Variants in PLEKHM1 observed in about 807,000 individuals in gnomAD.
The protein encoded by PLEKHM1 is pleckstrin homology domain-containing family M member 1.
In PLEKHM1, 28 loss-of-function variants were observed where a neutral mutation model predicts 94.3. The ratio of observed to expected loss-of-function variants is 0.30; its 90% CI spans 0.22 to 0.41. The LOEUF (loss-of-function observed/expected upper bound fraction) is 0.41. Among genes scored for constraint, PLEKHM1 ranks in the 10% least tolerant of loss-of-function variants. PLEKHM1 has a pLI of 1.00. For missense variants in PLEKHM1, 907 were observed against 1,358.6 expected (o/e 0.67, Z 5.22); for synonymous variants, 424 against 581.2 (o/e 0.73, Z 3.89).
At chr17:45,473,317 A>G (rs2051577155) in intron 4 of PLEKHM1, among the ~76,000 whole-genome samples, 1 of 152,184 alleles carries the variant, frequency 6.6e-6, no homozygotes, top group Non-Finnish European at 1.5e-5. Context: ...GGCTGGGCGC[A>G]GTGGCTCACG....
chr17:45,471,273 T>C (rs2051501661), intron 4 of PLEKHM1, among the ~76,000 whole-genome samples: 1 of 149,456 alleles, frequency 6.7e-6, no homozygotes, highest in Admixed American at 6.7e-5. Context: ...GGGTTGATTG[T>C]AATAAAAAAG....
chr17:45,479,688 A>AAAAACAAAACAAAAC (rs56104486), intron 2 of PLEKHM1, among the ~76,000 whole-genome samples: 96 of 151,334 alleles, frequency 6.3e-4, no homozygotes, highest in African/African-American at 8.7e-4. Context: ...TCCATCTCAG[A>AAAAACAAAACAAAAC]AAAACAAAAC....
chr17:45,480,706 AT>A (rs2051924784), intron 2 of PLEKHM1, among the ~76,000 whole-genome samples: 2 of 152,202 alleles, frequency 1.3e-5, no homozygotes, highest in African/African-American at 2.4e-5. Flanking sequence ...AATCTGACTT[AT>A]TTCACTTAGC....
intron 5 of PLEKHM1, among the ~76,000 whole-genome samples, chr17:45,465,716 AT>A (rs60337271): frequency 3.3e-5 from 5 of 150,378 alleles, no homozygotes; most frequent in Non-Finnish European, 4.4e-5. Flanking sequence ...CCTCAAAAAA[AT>A]TTTTTTTTTT....
In PLEKHM1 at chr17:45,475,946, G is replaced by A. The variant is rs377645876; in HGVS notation, c.297-220C>T. 1.6e-4 allele frequency: 102 copies of A among 622,778 alleles called. No individual in the cohort carries two copies. The African/African-American group carries it at 1.7e-3, about 10-fold the overall frequency. 38.6% of individuals were successfully genotyped at this position (622,778 alleles called of 1,614,324 possible). On this transcript the variant is annotated intron_variant, in intron 3 of 11. Transcript: ENST00000430334. Reference sequence around the variant, plus strand: ...GTGGATCACTTGAGCTCAGGAATTCGTGACCAGCCTGGGCAACAGGACGAA... The same window carrying A: ...GTGGATCACTTGAGCTCAGGAATTCATGACCAGCCTGGGCAACAGGACGAA...
At position 45,454,001 on chromosome 17, in the gene PLEKHM1, C is replaced by T. The variant is rs1597942852; in HGVS notation, c.1851G>A (p.Leu617=). Residue 617 remains leucine, a synonymous_variant, in exon 7 of 12, where the codon CTG becomes CTA. Transcript: ENST00000430334. The stretch of plus-strand genomic sequence containing the variant: ...TCTGCAGGGCCTCCCGCACCCGGTC[C>T]AGCCAGTCCTCAGCTTCGTCCTGGG... The part of the protein sequence containing the change: ...ASSQDEAEDW[L]DRVREALQKV... 2 of 1,613,972 alleles carry T rather than the reference C, an allele frequency of 1.2e-6. No homozygotes were observed. Among genetic ancestry groups the T allele is most frequent in the East Asian group, 2.2e-5 (1 of 44,902 alleles).
At chr17:45,468,812 T>C (rs550634124) in intron 4 of PLEKHM1, among the ~76,000 whole-genome samples, 3 of 152,234 alleles carry the variant, frequency 2.0e-5, no homozygotes, top group African/African-American at 7.2e-5. Flanking sequence ...GACAGGTGAT[T>C]TGTGGAGCCT....
At chr17:45,457,801 G>T (rs576121117) in intron 6 of PLEKHM1, among the ~76,000 whole-genome samples, 1 of 152,228 alleles carries the variant, frequency 6.6e-6, no homozygotes, top group African/African-American at 2.4e-5. Context: ...AACTACTGAG[G>T]GTAAACACGT....
In PLEKHM1 at chr17:45,475,480, C is replaced by T. The variant is rs1413488401; in HGVS notation, c.543G>A (p.Lys181=). ...LTSLSFELSY[K]SAILNEWTLT... ...GCGTCCACTCATTTAAGATGGCAGA[C>T]TTGTAGGAGAGTTCGAAGGACAAGG... The change falls in exon 4 of 12, where the codon AAG becomes AAA. Residue 181 remains lysine (K), a synonymous_variant. Coordinates refer to ENST00000430334, the MANE Select transcript of PLEKHM1 (RefSeq NM_014798.3). The T allele has an allele frequency of 1.2e-6, 2 of 1,612,634 alleles. No individual in the cohort carries two copies. The highest frequency in any genetic ancestry group is 3.3e-5 in the Admixed American group (2 of 59,974).
intron 5 of PLEKHM1, among the ~76,000 whole-genome samples, chr17:45,467,018 C>A (rs1274484649): frequency 6.6e-6 from 1 of 152,160 alleles, no homozygotes; most frequent in East Asian, 1.9e-4. Context: ...TAATAGGTTG[C>A]AATATATTTT....
chr17:45,484,190 T>G (rs2052040976), intron 1 of PLEKHM1, among the ~76,000 whole-genome samples: 3 of 152,180 alleles, frequency 2.0e-5, no homozygotes, highest in Admixed American at 6.5e-5. Context: ...TACCCCCAAG[T>G]ATATTTTTGA....
At chr17:45,482,571 C>T in intron 1 of PLEKHM1, 46 bp from the exon 2 acceptor site, 1 of 1,054,020 alleles carries the variant, frequency 9.5e-7, no homozygotes, top group South Asian at 1.3e-5. Context: ...GGAACTTTCC[C>T]CCAGCCAGAG....
At chr17:45,451,263 G>T (rs770059513) in intron 7 of PLEKHM1, among the ~76,000 whole-genome samples, 6 of 152,238 alleles carry the variant, frequency 3.9e-5, no homozygotes, top group Non-Finnish European at 8.8e-5. Flanking sequence ...AACAGGGAGC[G>T]GATGGGCAGC....
intron 7 of PLEKHM1, among the ~76,000 whole-genome samples, chr17:45,452,046 G>A (rs540775148): frequency 2.6e-5 from 4 of 152,278 alleles, no homozygotes; most frequent in African/African-American, 9.6e-5. Context: ...CAACAGGACA[G>A]CTCCCAAACC....
intron 2 of PLEKHM1, among the ~76,000 whole-genome samples, chr17:45,478,831 A>C (rs540521740): frequency 6.6e-6 from 1 of 151,950 alleles, no homozygotes; most frequent in South Asian, 2.1e-4. Flanking sequence ...ACCTTGTCTC[A>C]AAAAAAGAAA....
In PLEKHM1 at chr17:45,453,673, C is replaced by T. The variant is rs151036182; in HGVS notation, c.2179G>A (p.Gly727Ser). ...NNEKMLSDSH[G>S]VETIRDILPD... is the part of the protein sequence containing the mutation. ...AGGATGTCCCGGATGGTCTCCACGC[C>T]GTGGCTGTCACTCAGCATCTTCTCA... The change falls in exon 7 of 12, where the codon GGC (glycine) becomes AGC (serine). Residue 727 changes from glycine to serine, a missense_variant. Physicochemically the swap from Gly to Ser is moderately conservative, Grantham distance 56. This residue lies in a region of PLEKHM1 where 254 missense variants were observed against 451.1 expected (regional missense o/e 0.56). Transcript: ENST00000430334. The surrounding 1 kb of genome is among the most constrained non-coding windows in gnomAD (Gnocchi z 4.1). The T allele has an allele frequency of 1.4e-3, 2,252 of 1,613,500 alleles. 3 individuals are homozygous for T. The highest frequency in any genetic ancestry group is 2.0e-3 in the Middle Eastern group (12 of 6,054).
intron 5 of PLEKHM1, among the ~76,000 whole-genome samples, chr17:45,465,355 G>C (rs2051287144): frequency 6.6e-6 from 1 of 151,990 alleles, no homozygotes; most frequent in Non-Finnish European, 1.5e-5. Context: ...CGGGGGTCCG[G>C]TCAGGGAAGG....
intron 4 of PLEKHM1, among the ~76,000 whole-genome samples, chr17:45,471,670 C>T (rs2051517994): frequency 1.3e-5 from 2 of 152,220 alleles, no homozygotes; most frequent in African/African-American, 4.8e-5. Context: ...GCAGGAGAAT[C>T]GCATGAACCC....
chr17:45,467,332 T>G (rs888918235), intron 5 of PLEKHM1, among the ~76,000 whole-genome samples: 2 of 152,250 alleles, frequency 1.3e-5, no homozygotes, highest in African/African-American at 4.8e-5. Flanking sequence ...ATCCAGCGCT[T>G]ATTTCACATG....
Sources: allele counts gnomAD v4.1 joint callset (sites outside exome capture counted in the v4.1 genomes callset), GRCh38; gene constraint gnomAD v4.1.1; regional missense constraint gnomAD v4.1.1; non-coding constraint Gnocchi (gnomAD v3.1); transcripts MANE v1.5; gene names NCBI Gene and HGNC (gene_info 2026-07-23, HGNC 2026-07-21).